Variants in DOCK3 observed in about 807,000 individuals in gnomAD.
The protein encoded by DOCK3 is dedicator of cytokinesis 3.
In DOCK3, 60 loss-of-function variants were observed where a neutral mutation model predicts 265.6. The observed-to-expected ratio is 0.23, with a 90% confidence interval of 0.18 to 0.28. DOCK3 has a LOEUF of 0.28. Ranked by LOEUF, DOCK3 falls within the 10% of genes least tolerant of loss-of-function variation. The pLI, the probability that DOCK3 is intolerant of heterozygous loss-of-function variation, is 1.00. For synonymous variants in DOCK3, 881 were observed against 938.0 expected (o/e 0.94, Z 1.11); for missense variants, 1,981 against 2,594.3 (o/e 0.76, Z 5.14).
At chr3:50,873,446 C>T (rs547663600) in intron 3 of DOCK3, among the ~76,000 whole-genome samples, 1 of 152,286 alleles carries the variant, frequency 6.6e-6, no homozygotes, top group South Asian at 2.1e-4. Context: ...TTCACTGTTT[C>T]CTCTCCTCTC....
At position 51,277,863 on chromosome 3, in the gene DOCK3, C is replaced by T; in HGVS notation, c.2823+109C>T. On this transcript the variant is annotated intron_variant, in intron 26 of 52. Transcript: ENST00000266037. ...CACCACCTTCATCTCAGCCTTCCCTCCTGCATGGTTGTCAGCATGCTGCCC... is the reference window on the plus strand; with the variant it reads ...CACCACCTTCATCTCAGCCTTCCCTTCTGCATGGTTGTCAGCATGCTGCCC... 8 of 1,533,682 alleles carry T rather than the reference C, an allele frequency of 5.2e-6. No homozygotes were observed. In the South Asian group the frequency reaches 8.8e-5, roughly 17 times the overall value.
chr3:50,781,507 C>A (rs1372603325), intron 2 of DOCK3, among the ~76,000 whole-genome samples: 1 of 151,920 alleles, frequency 6.6e-6, no homozygotes, highest in Non-Finnish European at 1.5e-5. Context: ...CTCCTGGGCT[C>A]AAGTGATCTG....
At chr3:51,251,380 A>G (rs1284743389) in intron 22 of DOCK3, among the ~76,000 whole-genome samples, 1 of 152,222 alleles carries the variant, frequency 6.6e-6, no homozygotes. Context: ...TTGGGTATAT[A>G]CCCAGTAATG....
At chr3:50,754,628 TG>T (rs543878011) in intron 1 of DOCK3, among the ~76,000 whole-genome samples, 150 of 151,530 alleles carry the variant, frequency 9.9e-4, no homozygotes, top group Non-Finnish European at 1.8e-3. Context: ...GGTGTGATCT[TG>T]GCTCACTGCA....
At chr3:51,067,456 T>TGTGTGTGTGCGC (rs1553750450) in intron 6 of DOCK3, among the ~76,000 whole-genome samples, 1,508 of 150,320 alleles carry the variant, frequency 0.01, 36 homozygotes, top group African/African-American at 0.035. Context: ...TGTGTGTGTG[T>TGTGTGTGTGCGC]GCGCGCGCGT....
chr3:50,691,964 G>C (rs562373700), intron 1 of DOCK3, among the ~76,000 whole-genome samples: 107 of 151,442 alleles, frequency 7.1e-4, no homozygotes, highest in African/African-American at 2.5e-3. Flanking sequence ...CGCCAGGCTG[G>C]AGTGCAGTGG....
chr3:51,338,829 T>C (rs2085045518), intron 36 of DOCK3, 106 bp from the exon 37 acceptor site: 1 of 919,670 alleles, frequency 1.1e-6, no homozygotes, highest in South Asian at 1.4e-5. Flanking sequence ...CTCCAGGGCC[T>C]GCCCTCCCCC....
intron 4 of DOCK3, among the ~76,000 whole-genome samples, chr3:50,905,157 T>C (rs1169936480): frequency 1.3e-5 from 2 of 152,144 alleles, no homozygotes; most frequent in African/African-American, 4.8e-5. Context: ...CTGTTTTGGT[T>C]ACTGCAGCCT....
intron 2 of DOCK3, among the ~76,000 whole-genome samples, chr3:50,802,657 T>C (rs1263997386): frequency 6.6e-6 from 1 of 152,094 alleles, no homozygotes; most frequent in East Asian, 1.9e-4. Context: ...TCTAGTGGAG[T>C]TTCCTTTGTA....
chr3:50,798,139 T>C (rs996777965), intron 2 of DOCK3, among the ~76,000 whole-genome samples: 1 of 152,160 alleles, frequency 6.6e-6, no homozygotes, highest in Non-Finnish European at 1.5e-5. Context: ...ATCTGTTACA[T>C]GCGAGGGGGG....
rs9856721 is a variant in DOCK3 at position 51,298,764 on chromosome 3, A to G, written c.2923-11468A>G. ...ATTTCATTCCTTTTTATGGCTGCATAGTATTCCATGGTGTATATGTAACCC... is the reference window on the plus strand; with the variant it reads ...ATTTCATTCCTTTTTATGGCTGCATGGTATTCCATGGTGTATATGTAACCC... On this transcript the variant is annotated intron_variant, in intron 27 of 52. Coordinates refer to ENST00000266037, the MANE Select transcript of DOCK3 (RefSeq NM_004947.5). 3.7e-3 allele frequency among the ~76,000 whole-genome samples: 569 copies of G among 152,316 alleles called. 4 individuals are homozygous for G. Among genetic ancestry groups the G allele is most frequent in the African/African-American group, 0.013 (545 of 41,562 alleles).
chr3:50,868,307 C>T (rs985480397), intron 3 of DOCK3, among the ~76,000 whole-genome samples: 1 of 152,060 alleles, frequency 6.6e-6, no homozygotes, highest in African/African-American at 2.4e-5. Context: ...CTCCTAACCT[C>T]GTGATCCGCC....
At chr3:51,356,020 A>C in intron 41 of DOCK3, 69 bp from the exon 42 acceptor site, 1 of 1,591,458 alleles carries the variant, frequency 6.3e-7, no homozygotes, top group Non-Finnish European at 8.6e-7. Flanking sequence ...CCCTTTGAGG[A>C]GATGACAGGG....
intron 33 of DOCK3, 142 bp from the exon 34 acceptor site, chr3:51,332,858 TA>T: frequency 1.0e-6 from 1 of 953,106 alleles, no homozygotes; most frequent in Non-Finnish European, 1.6e-6. Flanking sequence ...AGTGTATGCC[TA>T]AGGTGGCTGG....
rs752635285 is a variant in DOCK3 at position 51,089,299 on chromosome 3, T to G, written c.591+15T>G. 1.2e-6 allele frequency: 2 copies of G among 1,606,446 alleles called. No individual in the cohort carries two copies. Among genetic ancestry groups the G allele is most frequent in the African/African-American group, 2.7e-5 (2 of 74,816 alleles). On this transcript the variant is annotated intron_variant, in intron 8 of 52. Transcript: ENST00000266037. Reference sequence around the variant, plus strand: ...GCACATCCCAGGTAAGCGGCTTTCCTGGGTCTTCCAGCCTTTCCCCTCAAC... The same window carrying G: ...GCACATCCCAGGTAAGCGGCTTTCCGGGGTCTTCCAGCCTTTCCCCTCAAC...
intron 5 of DOCK3, among the ~76,000 whole-genome samples, chr3:50,984,182 G>A (rs1286388792): frequency 6.6e-6 from 1 of 152,206 alleles, no homozygotes; most frequent in Non-Finnish European, 1.5e-5. Flanking sequence ...GTGGCAGAAC[G>A]AACCCAGTGG....
intron 32 of DOCK3, among the ~76,000 whole-genome samples, chr3:51,328,499 G>A (rs1354630014): frequency 2.6e-5 from 4 of 151,512 alleles, no homozygotes; most frequent in Non-Finnish European, 4.4e-5. Context: ...AGAGTGAGAC[G>A]GCTTCAATCC....
At chr3:51,003,398 C>T (rs144158569) in intron 5 of DOCK3, among the ~76,000 whole-genome samples, 1 of 152,300 alleles carries the variant, frequency 6.6e-6, no homozygotes, top group East Asian at 1.9e-4. Flanking sequence ...CTAAATCCCT[C>T]TGTCTCTATA....
chr3:51,107,971 C>T (rs1302340336), intron 9 of DOCK3, among the ~76,000 whole-genome samples: 2 of 151,364 alleles, frequency 1.3e-5, no homozygotes, highest in African/African-American at 4.8e-5. Context: ...GGAAGCCCAT[C>T]AAACAAATAG....
Sources: allele counts gnomAD v4.1 joint callset (sites outside exome capture counted in the v4.1 genomes callset), GRCh38; gene constraint gnomAD v4.1.1; transcripts MANE v1.5; gene names NCBI Gene and HGNC (gene_info 2026-07-23, HGNC 2026-07-21).